EYS: variants seen among roughly 807,000 people sequenced by gnomAD.
EYS encodes the protein EGF-like photoreceptor maintenance factor, also known as protein eyes shut homolog.
EYS carries 250 observed loss-of-function variants against 282.1 expected under a neutral mutation model. The observed-to-expected ratio is 0.89, with a 90% CI of 0.80 to 0.98. EYS has a LOEUF of 0.98. Ranked by LOEUF, EYS falls within the 50% of genes least tolerant of loss-of-function variation. EYS has a pLI of 0.00. For synonymous variants in EYS, 1,355 were observed against 1,282.9 expected, an observed-to-expected ratio of 1.06 and a Z score of -1.20; for missense variants, 4,016 against 3,709.0, an observed-to-expected ratio of 1.08 and a Z score of -2.15.
chr6:65,599,216 C>A (rs954533856), intron 2 of EYS, among the ~76,000 whole-genome samples: 1 of 151,918 alleles, frequency 6.6e-6, no homozygotes. Flanking sequence ...TGATGGCCAA[C>A]TGTAATTATT....
chr6:63,720,906 T>C lies in EYS; in HGVS notation c.9125A>G (p.Asn3042Ser). 6.4e-7 allele frequency: 1 copy of C among 1,551,126 alleles called. No individual in the cohort carries two copies. The highest frequency in any genetic ancestry group is 8.7e-7 in the Non-Finnish European group (1 of 1,146,594). The part of the protein sequence containing the change: ...MSYNNGTFCC[N>S]KWHHVVVIQN... ...AATTACAACTACATGGTGCCATTTA[T>C]TACAACAGAATGTGCCATTGTTATA... Residue 3042 changes from asparagine (N) to serine (S), a missense_variant, in exon 43 of 43, where the codon AAT becomes AGT. Transcript: ENST00000503581.
At chr6:65,280,988 A>G (rs1226728269) in intron 12 of EYS, among the ~76,000 whole-genome samples, 2 of 145,610 alleles carry the variant, frequency 1.4e-5, no homozygotes, top group Non-Finnish European at 3.0e-5. Flanking sequence ...ATGAGCCAAG[A>G]TCATGCCATT....
intron 31 of EYS, among the ~76,000 whole-genome samples, chr6:64,114,828 G>A (rs187941278): frequency 4.6e-4 from 70 of 152,188 alleles, no homozygotes; most frequent in Non-Finnish European, 6.6e-4. Context: ...ACCAAGAGCT[G>A]CTATAGTGCT....
At chr6:64,326,769 C>T (rs1770436428) in intron 29 of EYS, among the ~76,000 whole-genome samples, 1 of 151,746 alleles carries the variant, frequency 6.6e-6, no homozygotes. Context: ...CTGGAGCCTT[C>T]CCCCAACAGC....
At chr6:65,084,122 AAAT>A (rs904625881) in intron 12 of EYS, among the ~76,000 whole-genome samples, 89 of 152,188 alleles carry the variant, frequency 5.8e-4, no homozygotes, top group African/African-American at 1.9e-3. Flanking sequence ...TCAGCAGAAG[AAAT>A]AATAACACTA....
chr6:65,144,732 C>T (rs1411509444), intron 12 of EYS, among the ~76,000 whole-genome samples: 1 of 151,300 alleles, frequency 6.6e-6, no homozygotes, highest in Non-Finnish European at 1.5e-5. Flanking sequence ...CTCATAATCA[C>T]AGAAGAACAG....
chr6:64,390,628 C>T (rs1337958986), intron 28 of EYS, among the ~76,000 whole-genome samples: 1 of 150,836 alleles, frequency 6.6e-6, no homozygotes, highest in Admixed American at 6.6e-5. Flanking sequence ...ATCTGTACAT[C>T]ACCATCATCA....
intron 26 of EYS, among the ~76,000 whole-genome samples, chr6:64,535,006 C>A (rs1275863677): frequency 6.6e-6 from 1 of 152,092 alleles, no homozygotes; most frequent in East Asian, 1.9e-4. Flanking sequence ...TACTAAACTT[C>A]CTCTTTGGTC....
intron 5 of EYS, among the ~76,000 whole-genome samples, chr6:65,427,225 C>T (rs2150381161): frequency 6.6e-6 from 1 of 151,996 alleles, no homozygotes; most frequent in Admixed American, 6.5e-5. Flanking sequence ...TATTCTTTGG[C>T]CTTCCATTCA....
In EYS at chr6:64,766,646, AAAAATATATATATATATAT is replaced by A. The variant is rs1417988963; in HGVS notation, c.3443+46713_3443+46731del. Among the ~76,000 whole-genome samples the A allele has an allele frequency of 8.8e-3, 123 of 14,048 alleles. 6 individuals carry two copies. The highest frequency in any genetic ancestry group is 0.026 in the African/African-American group (119 of 4,498). 9.2% of individuals were successfully genotyped at this position (14,048 alleles called of 152,430 possible). A position where few individuals can be genotyped will look rare whatever the true frequency, so the allele number is the denominator to read the frequency against. On this transcript the variant is annotated intron_variant, in intron 22 of 42. Transcript: ENST00000503581. ...AACTCCGTCTCAAAAAAAAAAAAAA[AAAAATATATATATATATAT>A]ATATATATATATATATATAAAATCT...
chr6:64,735,877 T>G (rs1476196358), intron 22 of EYS, among the ~76,000 whole-genome samples: 2 of 152,036 alleles, frequency 1.3e-5, no homozygotes, highest in Non-Finnish European at 2.9e-5. Context: ...TAAAGAACTA[T>G]GATCACACTG....
intron 36 of EYS, among the ~76,000 whole-genome samples, chr6:63,818,981 ATT>A (rs1771252590): frequency 6.6e-6 from 1 of 152,032 alleles, no homozygotes; most frequent in Non-Finnish European, 1.5e-5. Flanking sequence ...CCTCCCAGGG[ATT>A]TCTTCTCTTT....
intron 35 of EYS, among the ~76,000 whole-genome samples, chr6:63,901,119 T>C (rs554603066): frequency 2.6e-5 from 4 of 152,244 alleles, no homozygotes; most frequent in African/African-American, 9.6e-5. Context: ...TATGTCCAAA[T>C]AACTAAAGAA....
intron 31 of EYS, among the ~76,000 whole-genome samples, chr6:64,120,074 G>C (rs111914138): frequency 0.012 from 1,882 of 151,664 alleles, 35 homozygotes; most frequent in African/African-American, 0.043. Flanking sequence ...TTGGCCAGGC[G>C]TGGTGGCTTA....
At chr6:65,245,864 C>T (rs755341923) in intron 12 of EYS, among the ~76,000 whole-genome samples, 1 of 151,932 alleles carries the variant, frequency 6.6e-6, no homozygotes, top group Non-Finnish European at 1.5e-5. Flanking sequence ...GAAGATCTCT[C>T]AAAGAGCTAA....
At chr6:64,935,151 T>G (rs1768865388) in intron 15 of EYS, among the ~76,000 whole-genome samples, 1 of 151,596 alleles carries the variant, frequency 6.6e-6, no homozygotes, top group Non-Finnish European at 1.5e-5. Context: ...AATAATACAA[T>G]AAATGTAACA....
At chr6:65,477,609 G>A (rs368026716) in intron 5 of EYS, among the ~76,000 whole-genome samples, 11 of 152,110 alleles carry the variant, frequency 7.2e-5, no homozygotes, top group South Asian at 2.1e-4. Flanking sequence ...GCCAATTGAC[G>A]CATTCAATAT....
intron 31 of EYS, among the ~76,000 whole-genome samples, chr6:64,178,662 G>A (rs1260372804): frequency 6.6e-6 from 1 of 151,964 alleles, no homozygotes; most frequent in Non-Finnish European, 1.5e-5. Context: ...TCTGAAGGAG[G>A]AAATTGACAT....
At chr6:64,802,509 G>A (rs552030578) in intron 22 of EYS, among the ~76,000 whole-genome samples, 1 of 152,018 alleles carries the variant, frequency 6.6e-6, no homozygotes, top group South Asian at 2.1e-4. Context: ...CTAACAAACT[G>A]CCACCAAAAT....
Sources: gnomAD v4.1 joint callset for allele counts (sites outside exome capture counted in the v4.1 genomes callset) on GRCh38, gnomAD v4.1.1 for gene constraint, MANE v1.5 for transcripts, NCBI Gene and HGNC (gene_info 2026-07-23, HGNC 2026-07-21) for gene names.